The following PTS variants were observed in gnomAD, a reference collection of about 807,000 sequenced individuals.
PTS encodes the protein 6-pyruvoyltetrahydropterin synthase.
In PTS, 23 loss-of-function variants were observed where a neutral mutation model predicts 20.6. The observed-to-expected ratio is 1.12, with a 90% CI of 0.80 to 1.58. PTS has a LOEUF of 1.58. Ranked by LOEUF, PTS falls within the 40% of genes most tolerant of loss-of-function variation. The probability of loss-of-function intolerance (pLI) is 0.00; values close to 1 mark genes in which losing one functional copy is unlikely to be tolerated. For missense variants in PTS, 186 were observed against 182.4 expected (o/e 1.02, Z -0.11); for synonymous variants, 65 against 62.5 (o/e 1.04, Z -0.19).
At chr11:112,228,940 G>A (rs1210812810) in intron 2 of PTS, 11 of 456,518 alleles carry the variant, frequency 2.4e-5, no homozygotes, top group Middle Eastern at 5.9e-4. Flanking sequence ...TACACAACAA[G>A]TTTCTTTCTG....
At position 112,233,403 on chromosome 11, in the gene PTS, T is replaced by G. The variant is rs770480692; in HGVS notation, c.315-29T>G. 6 of 1,583,720 alleles carry G rather than the reference T, an allele frequency of 3.8e-6. No individual in the cohort carries two copies. The Admixed American group carries it at 1.1e-4, about 29-fold the overall frequency. On this transcript the variant is annotated intron_variant, in intron 5 of 5. Transcript: ENST00000280362. ...AATTTTATTGTTTGCATTTTGAATT[T>G]TTTTTGTTTTTGTTTTTTTTTCTTA...
At chr11:112,231,762 G>A (rs972513046) in intron 4 of PTS, among the ~76,000 whole-genome samples, 5 of 151,172 alleles carry the variant, frequency 3.3e-5, no homozygotes, top group Admixed American at 6.6e-5. Context: ...TAAATGAGTA[G>A]AAGAATGAGT....
chr11:112,226,879 C>G (rs916129664), intron 1 of PTS, among the ~76,000 whole-genome samples: 2 of 151,226 alleles, frequency 1.3e-5, no homozygotes, highest in Non-Finnish European at 2.9e-5. Context: ...TGAAACTCAG[C>G]AGTGTTAAAC....
chr11:112,231,730 T>C (rs2135409660), intron 4 of PTS, among the ~76,000 whole-genome samples: 1 of 152,188 alleles, frequency 6.6e-6, no homozygotes, highest in East Asian at 1.9e-4. Context: ...TGAAGAATAT[T>C]ATTAAATAAC....
chr11:112,233,691 A>G lies in PTS; in HGVS notation c.*136A>G, dbSNP rs984696420. On this transcript the variant is annotated 3_prime_UTR_variant, in exon 6 of 6. Transcript: ENST00000280362. ...TGCTCTGGAGTGCCTATTTATTGAAATCATTGTAAGACCTGTTATAAATTT... is the reference window on the plus strand; with the variant it reads ...TGCTCTGGAGTGCCTATTTATTGAAGTCATTGTAAGACCTGTTATAAATTT... 7.5e-7 allele frequency: 1 copy of G among 1,326,208 alleles called. No homozygotes were observed. Among genetic ancestry groups the G allele is most frequent in the Non-Finnish European group, 1.0e-6 (1 of 986,382 alleles). The allele number at this position is 1,326,208 out of a possible 1,614,324, so 82.2% of individuals were successfully genotyped here. A position where few individuals can be genotyped will look rare whatever the true frequency, so the allele number is the denominator to read the frequency against.
intron 4 of PTS, among the ~76,000 whole-genome samples, chr11:112,232,660 C>T (rs1306001789): frequency 6.6e-6 from 1 of 152,130 alleles, no homozygotes; most frequent in African/African-American, 2.4e-5. Context: ...ATTTTTCCTT[C>T]TATGAGCCCA....
intron 2 of PTS, 29 bp downstream of exon 2, chr11:112,228,702 C>G: frequency 6.4e-7 from 1 of 1,572,098 alleles, no homozygotes; most frequent in Non-Finnish European, 8.7e-7. Context: ...ACATTTCAGC[C>G]CTTCAATAAG....
rs1377957898 is a variant in PTS at position 112,226,900 on chromosome 11, T to TA, written c.83+375dup. Among the ~76,000 whole-genome samples, 11 of 150,900 alleles carry TA rather than the reference T, an allele frequency of 7.3e-5. No individual in the cohort carries two copies. In the East Asian group the frequency reaches 2.1e-3, roughly 29 times the overall value. ...TCAGCAGTGTTAAACTCGCCTATGT[T>TA]ACACAGTACCTGGCGCGGCGTAGAC... On this transcript the variant is annotated intron_variant, in intron 1 of 5. Transcript: ENST00000280362.
In PTS at chr11:112,233,585, G is replaced by C. The variant is rs1421601461; in HGVS notation, c.*30G>C. 6.2e-7 allele frequency: 1 copy of C among 1,612,218 alleles called. No individual in the cohort carries two copies. The highest frequency in any genetic ancestry group is 8.5e-7 in the Non-Finnish European group (1 of 1,179,274). ...TGGGGTTAGCATTGCACAAAGCCCA[G>C]TTTCTTTCTGTGTTTGAAAAAGATT... On this transcript the variant is annotated 3_prime_UTR_variant, in exon 6 of 6. Transcript: ENST00000280362.
intron 1 of PTS, 38 bp downstream of exon 1, chr11:112,226,564 C>T (rs1012659568): frequency 6.8e-7 from 1 of 1,480,490 alleles, no homozygotes; most frequent in Non-Finnish European, 9.0e-7. Context: ...GGGCGGTGGG[C>T]GCCGGGCCCC....
At chr11:112,230,501 C>T in intron 3 of PTS, 125 bp from the exon 4 acceptor site, 1 of 929,574 alleles carries the variant, frequency 1.1e-6, no homozygotes, top group Non-Finnish European at 1.8e-6. Context: ...ATGATTATCT[C>T]TGGGATGAAG....
At chr11:112,230,566 T>C (rs1859917053) in intron 3 of PTS, 60 bp from the exon 4 acceptor site, 3 of 1,419,514 alleles carry the variant, frequency 2.1e-6, no homozygotes, top group African/African-American at 1.4e-5. Flanking sequence ...TTTAATAATT[T>C]GCCAGCCGTT....
At chr11:112,229,337 A>G (rs2135408538) in intron 2 of PTS, 1 of 152,596 alleles carries the variant, frequency 6.6e-6, no homozygotes, top group African/African-American at 2.4e-5. Context: ...ACAGAACTAA[A>G]ATACATAAAT....
At chr11:112,227,373 G>C (rs950335407) in intron 1 of PTS, among the ~76,000 whole-genome samples, 1 of 152,080 alleles carries the variant, frequency 6.6e-6, no homozygotes, top group East Asian at 1.9e-4. Flanking sequence ...TTTGTGGAGG[G>C]TACACTGAGA....
intron 1 of PTS, among the ~76,000 whole-genome samples, chr11:112,226,839 A>T (rs1859872158): frequency 6.6e-6 from 1 of 151,688 alleles, no homozygotes; most frequent in South Asian, 2.1e-4. Flanking sequence ...TGCCCCTAGG[A>T]GTCCCTTGGT....
At position 112,228,605 on chromosome 11, in the gene PTS, G is replaced by A. The variant is rs374871539; in HGVS notation, c.95G>A (p.Ser32Asn). 6.9e-6 allele frequency: 11 copies of A among 1,584,190 alleles called. No homozygotes were observed. The highest frequency in any genetic ancestry group is 1.7e-4 in the Middle Eastern group (1 of 5,846). ...ASHRLYSKFL[S>N]DEENLKLFGK... ...TTTTTTTTGGTCAGTAAATTTCTAA[G>A]TGATGAAGAAAACTTGAAACTGTTT... Residue 32 changes from serine to asparagine, a missense_variant, in exon 2 of 6, where the codon AGT becomes AAT. Transcript: ENST00000280362.
intron 4 of PTS, 97 bp from the exon 5 acceptor site, chr11:112,233,066 C>A: frequency 8.9e-7 from 1 of 1,126,956 alleles, no homozygotes; most frequent in Non-Finnish European, 1.4e-6. Flanking sequence ...TAGTTAGTGG[C>A]TAAGTGATAA....
chr11:112,226,520 T>G lies in PTS; in HGVS notation c.77T>G (p.Leu26Trp). ...RRISFSASHR[L>W]YSKFLSDEEN... ...ATCTCCTTCAGCGCGAGCCACCGAT[T>G]GTACAGGTAGGGTGTGCACACAGGT... The change falls in exon 1 of 6, where the codon TTG becomes TGG. Residue 26 changes from leucine (L) to tryptophan (W), a missense_variant. Coordinates refer to ENST00000280362, the MANE Select transcript of PTS (RefSeq NM_000317.3). 6.3e-7 allele frequency: 1 copy of G among 1,582,706 alleles called. No homozygotes were observed. Among genetic ancestry groups the G allele is most frequent in the Non-Finnish European group, 8.6e-7 (1 of 1,166,734 alleles).
chr11:112,229,880 T>A (rs1859907803), intron 2 of PTS, among the ~76,000 whole-genome samples: 3 of 152,244 alleles, frequency 2.0e-5, no homozygotes, highest in Non-Finnish European at 4.4e-5. Context: ...TTTCTACTTC[T>A]ACAGGCAGAG....
Sources: allele counts gnomAD v4.1 joint callset (sites outside exome capture counted in the v4.1 genomes callset), GRCh38; gene constraint gnomAD v4.1.1; transcripts MANE v1.5; gene names NCBI Gene and HGNC (gene_info 2026-07-23, HGNC 2026-07-21).